ABCB10: variants seen among roughly 807,000 people sequenced by gnomAD.
ABCB10 encodes ATP binding cassette subfamily B member 10.
ABCB10 carries 54 observed loss-of-function variants against 65.4 expected under a neutral mutation model. That is an observed-to-expected ratio of 0.83 (90% CI 0.66 to 1.04). The LOEUF (loss-of-function observed/expected upper bound fraction) is 1.04, where lower values mean the gene tolerates loss of function less well. ABCB10 is among the 50% of genes least tolerant of loss of function. The pLI, the probability that ABCB10 is intolerant of heterozygous loss-of-function variation, is 0.00. For synonymous variants in ABCB10, 418 were observed against 406.5 expected (o/e 1.03, Z -0.34); for missense variants, 846 against 976.6 (o/e 0.87, Z 1.78).
At chr1:229,541,037 A>G (rs1274844701) in intron 4 of ABCB10, among the ~76,000 whole-genome samples, 1 of 152,230 alleles carries the variant, frequency 6.6e-6, no homozygotes, top group African/African-American at 2.4e-5. Flanking sequence ...TAGAGGCAGA[A>G]AAACAGGAGT....
chr1:229,558,616 C>T lies in ABCB10; in HGVS notation c.37G>A (p.Glu13Lys). Residue 13 changes from glutamate (E) to lysine (K), a missense_variant, in exon 1 of 13, where the codon GAG (glutamate) becomes AAG (lysine). Around this residue, in one of 2 missense-constraint regions of ABCB10, gnomAD observed 214 missense variants for 173.5 expected, o/e 1.23. Transcript: ENST00000344517. The stretch of plus-strand genomic sequence containing the variant: ...CCTGGCTCGGCAGGGCTCGGTGGCT[C>T]GAGCAGCCGCAGCGGCCAGGCAGGG... ...GPPAWPLRLLEPPSPAEPGRL... is the reference protein window; with the variant it reads ...GPPAWPLRLLKPPSPAEPGRL... 1.4e-6 allele frequency: 2 copies of T among 1,417,438 alleles called. No individual in the cohort carries two copies. The highest frequency in any genetic ancestry group is 1.8e-6 in the Non-Finnish European group (2 of 1,086,244). 87.8% of individuals were successfully genotyped at this position (1,417,438 alleles called of 1,614,324 possible). A position where few individuals can be genotyped will look rare whatever the true frequency, so the allele number is the denominator to read the frequency against.
chr1:229,535,557 T>C (rs1251360877), intron 6 of ABCB10, among the ~76,000 whole-genome samples: 2 of 152,148 alleles, frequency 1.3e-5, no homozygotes, highest in Non-Finnish European at 2.9e-5. Context: ...AGAAGGGTGA[T>C]GAATAAGCAG....
intron 8 of ABCB10, among the ~76,000 whole-genome samples, 169 bp downstream of exon 8, chr1:229,530,030 C>G (rs1571961858): frequency 6.6e-6 from 1 of 152,336 alleles, no homozygotes; most frequent in East Asian, 1.9e-4. Context: ...AGCTGTCATG[C>G]CCCTGCAAAT....
At chr1:229,548,158 C>T (rs1296143478) in intron 2 of ABCB10, among the ~76,000 whole-genome samples, 1 of 152,076 alleles carries the variant, frequency 6.6e-6, no homozygotes, top group African/African-American at 2.4e-5. Flanking sequence ...TCCGCCACTA[C>T]ACCCAGCTAA....
intron 6 of ABCB10, among the ~76,000 whole-genome samples, chr1:229,534,618 C>G (rs1227555195): frequency 6.6e-6 from 1 of 151,868 alleles, no homozygotes; most frequent in Non-Finnish European, 1.5e-5. Flanking sequence ...CCTGTAATCC[C>G]AGGACTTTGG....
intron 10 of ABCB10, among the ~76,000 whole-genome samples, chr1:229,525,471 T>C (rs1431351016): frequency 6.6e-6 from 1 of 152,120 alleles, no homozygotes; most frequent in Non-Finnish European, 1.5e-5. Flanking sequence ...ATTTTCCACA[T>C]ATAAGAGAGC....
At chr1:229,519,051 T>G in intron 11 of ABCB10, 176 bp from the exon 12 acceptor site, 1 of 489,064 alleles carries the variant, frequency 2.0e-6, no homozygotes, top group South Asian at 3.1e-5. Flanking sequence ...AGTTCACTTA[T>G]ATGAAATGTC....
At chr1:229,534,306 C>T (rs927512268) in intron 6 of ABCB10, among the ~76,000 whole-genome samples, 5 of 152,218 alleles carry the variant, frequency 3.3e-5, no homozygotes, top group East Asian at 1.9e-4. Flanking sequence ...AACAAGAACT[C>T]TCATTCCTTG....
chr1:229,521,129 T>C (rs1162777906), intron 11 of ABCB10, among the ~76,000 whole-genome samples: 3 of 152,200 alleles, frequency 2.0e-5, no homozygotes, highest in African/African-American at 7.2e-5. Context: ...GGGAAGGCTA[T>C]TGCTTCCTTA....
At chr1:229,528,339 C>A (rs1662492015) in intron 8 of ABCB10, among the ~76,000 whole-genome samples, 1 of 147,150 alleles carries the variant, frequency 6.8e-6, no homozygotes, top group Admixed American at 6.8e-5. Flanking sequence ...TTTTTTTTTC[C>A]TTTTTATGGA....
chr1:229,558,319 G>C lies in ABCB10; in HGVS notation c.334C>G (p.Arg112Gly). 1.6e-6 allele frequency: 2 copies of C among 1,249,508 alleles called. No individual in the cohort carries two copies. The highest frequency in any genetic ancestry group is 1.6e-5 in the African/African-American group (1 of 63,106). 77.4% of individuals were successfully genotyped at this position (1,249,508 alleles called of 1,614,324 possible). Residue 112 changes from arginine (R) to glycine (G), a missense_variant, in exon 1 of 13, where the codon CGG (arginine) becomes GGG (glycine). This residue lies in a region of ABCB10 where 214 missense variants were observed against 173.5 expected (regional missense o/e 1.23). Coordinates refer to ENST00000344517, the MANE Select transcript of ABCB10 (RefSeq NM_012089.3). ...CGAFAGPGAP[R>G]LPRARFPGGP... is the part of the protein sequence containing the mutation. ...CCCGGGAACCGGGCGCGCGGGAGCC[G>C]AGGAGCGCCTGGCCCGGCAAAAGCC...
chr1:229,542,200 T>A, intron 4 of ABCB10, 37 bp downstream of exon 4: 1 of 1,608,062 alleles, frequency 6.2e-7, no homozygotes, highest in Non-Finnish European at 8.5e-7. Flanking sequence ...ATGACCCCAT[T>A]CTGCTGGAAA....
At chr1:229,552,318 C>T (rs1663138192) in intron 1 of ABCB10, among the ~76,000 whole-genome samples, 1 of 152,156 alleles carries the variant, frequency 6.6e-6, no homozygotes, top group Non-Finnish European at 1.5e-5. Flanking sequence ...ATTTCAGATT[C>T]CACCACAAGC....
At chr1:229,525,087 T>C (rs1280952091) in intron 10 of ABCB10, among the ~76,000 whole-genome samples, 1 of 152,134 alleles carries the variant, frequency 6.6e-6, no homozygotes, top group African/African-American at 2.4e-5. Flanking sequence ...ACTCCTGATC[T>C]CAAGTGATCC....
intron 2 of ABCB10, among the ~76,000 whole-genome samples, chr1:229,547,932 T>C (rs918770498): frequency 2.6e-5 from 4 of 152,134 alleles, no homozygotes; most frequent in Admixed American, 2.6e-4. Context: ...AACTACAGAC[T>C]GTGGGCGCTA....
intron 11 of ABCB10, among the ~76,000 whole-genome samples, chr1:229,519,771 AGAGT>A (rs2102799427): frequency 6.6e-6 from 1 of 152,276 alleles, no homozygotes; most frequent in South Asian, 2.1e-4. Flanking sequence ...CCTGGGCGAC[AGAGT>A]GAGACTCTGT....
intron 8 of ABCB10, among the ~76,000 whole-genome samples, chr1:229,529,227 AGCTT>A (rs1233618242): frequency 2.4e-5 from 3 of 125,496 alleles, no homozygotes; most frequent in Non-Finnish European, 4.8e-5. Context: ...CGGGAGGCGG[AGCTT>A]GCAGCAGTGA....
chr1:229,527,758 T>C (rs1662480669), intron 8 of ABCB10, among the ~76,000 whole-genome samples: 1 of 152,254 alleles, frequency 6.6e-6, no homozygotes, highest in African/African-American at 2.4e-5. Context: ...CTGCCTAAAT[T>C]TGTAGCTTCC....
chr1:229,541,595 C>T (rs1246993388), intron 4 of ABCB10, among the ~76,000 whole-genome samples: 1 of 152,118 alleles, frequency 6.6e-6, no homozygotes, highest in African/African-American at 2.4e-5. Context: ...TAATGAAACA[C>T]TTATCTAGTA....
Sources: gnomAD v4.1 joint callset for allele counts (sites outside exome capture counted in the v4.1 genomes callset) on GRCh38, gnomAD v4.1.1 for gene constraint, gnomAD v4.1.1 regional missense constraint, MANE v1.5 for transcripts, NCBI Gene and HGNC (gene_info 2026-07-23, HGNC 2026-07-21) for gene names.